Variants in ATP9A observed in about 807,000 individuals in gnomAD.
The protein encoded by ATP9A is probable phospholipid-transporting ATPase IIA.
A neutral mutation model predicts 144.1 loss-of-function variants in ATP9A; 52 were observed. The observed-to-expected ratio is 0.36, with a 90% CI of 0.29 to 0.45. The LOEUF (loss-of-function observed/expected upper bound fraction) is 0.45. Ranked by LOEUF, ATP9A falls within the 20% of genes least tolerant of loss-of-function variation. The probability of loss-of-function intolerance (pLI) is 1.00; values close to 1 mark genes in which losing one functional copy is unlikely to be tolerated. For missense variants in ATP9A, 947 were observed against 1,392.7 expected (o/e 0.68, Z 5.09); for synonymous variants, 582 against 557.4 (o/e 1.04, Z -0.62).
At chr20:51,691,447 C>T (rs1011496152) in intron 7 of ATP9A, among the ~76,000 whole-genome samples, 4 of 152,122 alleles carry the variant, frequency 2.6e-5, no homozygotes, top group South Asian at 2.1e-4. Flanking sequence ...CCAGCCTGGG[C>T]GACAGAGCGA....
intron 27 of ATP9A, among the ~76,000 whole-genome samples, chr20:51,601,563 T>C (rs193198207): frequency 3.0e-4 from 46 of 152,302 alleles, no homozygotes; most frequent in Admixed American, 6.5e-4. Context: ...CGCTCTCTCT[T>C]CTGTAGCTTC....
rs182506509 is a variant in ATP9A at position 51,627,019 on chromosome 20, T to A, written c.1845+581A>T. ...TTACAGTGAGCCAAGATCACACCAC[T>A]GCACTCCAGCCTGGGCGACAAGAGC... is the stretch of plus-strand genomic sequence containing the variant. On this transcript the variant is annotated intron_variant, in intron 17 of 27. Coordinates refer to ENST00000338821, the MANE Select transcript of ATP9A (RefSeq NM_006045.3). 6.2e-5 allele frequency among the ~76,000 whole-genome samples: 9 copies of A among 145,138 alleles called. No individual in the cohort carries two copies. The East Asian group carries it at 1.8e-3, about 29-fold the overall frequency.
At chr20:51,702,365 CGTGTGTGTGTGTGTGTGT>C (rs10578719) in intron 4 of ATP9A, among the ~76,000 whole-genome samples, 2 of 130,218 alleles carry the variant, frequency 1.5e-5, no homozygotes, top group South Asian at 5.2e-4. Flanking sequence ...TGTGTGTGTT[CGTGTGTGTGTGTGTGTGT>C]GTGTGTGTGT....
In ATP9A at chr20:51,712,278, G is replaced by T. The variant is rs1157804485; in HGVS notation, c.436+688C>A. ...TTTAGTAGAGACAGGGTTTCACCAT[G>T]TTAGCCAGGATGGTCTCGATCTCCG... On this transcript the variant is annotated intron_variant, in intron 4 of 27. Coordinates refer to ENST00000338821, the MANE Select transcript of ATP9A (RefSeq NM_006045.3). 9.2e-5 allele frequency among the ~76,000 whole-genome samples: 14 copies of T among 152,050 alleles called. No individual in the cohort carries two copies. The South Asian group carries it at 2.1e-3, about 23-fold the overall frequency.
chr20:51,606,221 C>T (rs1466849204), intron 26 of ATP9A, among the ~76,000 whole-genome samples: 1 of 152,196 alleles, frequency 6.6e-6, no homozygotes, highest in Non-Finnish European at 1.5e-5. Context: ...GGCGCCACTG[C>T]ACTCCAGCCT....
In ATP9A at chr20:51,655,781, G is replaced by T. The variant is rs181764497; in HGVS notation, c.1506+1157C>A. Among the ~76,000 whole-genome samples the T allele has an allele frequency of 1.2e-4, 18 of 146,186 alleles. No individual in the cohort carries two copies. In the East Asian group the frequency reaches 3.7e-3, roughly 30 times the overall value. On this transcript the variant is annotated intron_variant, in intron 14 of 27. Transcript: ENST00000338821. ...TATGACATTGCCAACCCACTCCTAG[G>T]TATATACCCAAGAGAAACAGAAATC... is the stretch of plus-strand genomic sequence containing the variant.
chr20:51,633,885 A>G (rs2077279997), intron 15 of ATP9A, among the ~76,000 whole-genome samples: 1 of 141,428 alleles, frequency 7.1e-6, no homozygotes, highest in Non-Finnish European at 1.5e-5. Context: ...GAAGGAAGGA[A>G]GGAAAAGAGG....
rs986972357 is a variant in ATP9A at position 51,767,095 on chromosome 20, C to T, written c.68+1207G>A. Among the ~76,000 whole-genome samples, 106 of 147,290 alleles carry T rather than the reference C, an allele frequency of 7.2e-4. 1 individual carries two copies. Among genetic ancestry groups the T allele is most frequent in the African/African-American group, 2.1e-3 (81 of 39,446 alleles). On this transcript the variant is annotated intron_variant, in intron 1 of 27. Coordinates refer to ENST00000338821, the MANE Select transcript of ATP9A (RefSeq NM_006045.3). Reference sequence around the variant, plus strand: ...ATTCTTTTTTTTTTTTTTTTTAATTCCACTGACACCTGGTGAAGCCACCCT... The same window carrying T: ...ATTCTTTTTTTTTTTTTTTTTAATTTCACTGACACCTGGTGAAGCCACCCT...
chr20:51,613,584 A>T, intron 23 of ATP9A, 93 bp downstream of exon 23: 1 of 1,282,274 alleles, frequency 7.8e-7, no homozygotes, highest in Non-Finnish European at 1.0e-6. Context: ...ATAATTACAT[A>T]GCCACATGTA....
At chr20:51,610,062 G>A (rs1164704409) in intron 24 of ATP9A, 39 bp downstream of exon 24, 1 of 1,530,754 alleles carries the variant, frequency 6.5e-7, no homozygotes, top group East Asian at 2.2e-5. Context: ...TTTGAAGAAG[G>A]TTTTGTAAAC....
At chr20:51,661,665 C>G (rs1447011057) in intron 13 of ATP9A, among the ~76,000 whole-genome samples, 1 of 151,768 alleles carries the variant, frequency 6.6e-6, no homozygotes, top group Non-Finnish European at 1.5e-5. Flanking sequence ...GCCACTGCAC[C>G]CAGCCAGAAA....
intron 24 of ATP9A, among the ~76,000 whole-genome samples, chr20:51,609,614 C>T (rs908343959): frequency 1.3e-5 from 2 of 152,166 alleles, no homozygotes; most frequent in African/African-American, 4.8e-5. Flanking sequence ...CCATCTCTGT[C>T]ACTGTGGCAC....
In ATP9A at chr20:51,708,302, A is replaced by T. The variant is rs2077623118; in HGVS notation, c.436+4664T>A. 3.3e-5 allele frequency among the ~76,000 whole-genome samples: 5 copies of T among 152,044 alleles called. No homozygotes were observed. In the South Asian group the frequency reaches 1.0e-3, roughly 32 times the overall value. ...ATCCCATCTCTATGATTTAAAAAAA[A>T]AAAAAATGATACACCTTGATTGAAA... is the stretch of plus-strand genomic sequence containing the variant. On this transcript the variant is annotated intron_variant, in intron 4 of 27. Coordinates refer to ENST00000338821, the MANE Select transcript of ATP9A (RefSeq NM_006045.3).
intron 1 of ATP9A, among the ~76,000 whole-genome samples, chr20:51,750,874 G>T (rs1474416428): frequency 1.3e-5 from 2 of 152,092 alleles, no homozygotes; most frequent in East Asian, 3.9e-4. Context: ...GACACACCAA[G>T]GGTCCCCACT....
chr20:51,644,235 T>C (rs2077332093), intron 14 of ATP9A, among the ~76,000 whole-genome samples: 1 of 150,370 alleles, frequency 6.7e-6, no homozygotes, highest in African/African-American at 2.4e-5. Context: ...GTGATACACA[T>C]GGAGAGAATT....
At chr20:51,736,460 G>A (rs1057148373) in intron 1 of ATP9A, among the ~76,000 whole-genome samples, 3 of 151,972 alleles carry the variant, frequency 2.0e-5, no homozygotes, top group Non-Finnish European at 4.4e-5. Context: ...CTTTTTATGG[G>A]AATGAAATGT....
Position 51,766,706 on chromosome 20 carries a change from T to C in ATP9A, c.68+1596A>G, listed in dbSNP as rs574706416. ...AAATACAAAAACTAGTCAGGCGTGG[T>C]GTCGGGCGCCTGTAATCCCAGCTAC... On this transcript the variant is annotated intron_variant, in intron 1 of 27. Transcript: ENST00000338821. Among the ~76,000 whole-genome samples, 11 of 152,146 alleles carry C rather than the reference T, an allele frequency of 7.2e-5. No individual in the cohort carries two copies. The East Asian group carries it at 1.7e-3, about 24-fold the overall frequency.
chr20:51,623,801 A>AGAAAGAAAGAAAG (rs1555829565), intron 18 of ATP9A, among the ~76,000 whole-genome samples: 1 of 133,390 alleles, frequency 7.5e-6, no homozygotes, highest in African/African-American at 3.0e-5. Flanking sequence ...AAAAAAAAAA[A>AGAAAGAAAGAAAG]AAAGAAAGAA....
In ATP9A at chr20:51,598,187, G is replaced by A. The variant is rs74926359; in HGVS notation, c.*3024C>T. 8.0e-4 allele frequency: 61 copies of A among 76,422 alleles called. No individual in the cohort carries two copies. The highest frequency in any genetic ancestry group is 1.2e-3 in the Non-Finnish European group (50 of 42,792). The allele number at this position is 76,422 out of a possible 1,614,324, so 4.7% of individuals were successfully genotyped here. Reference sequence around the variant, plus strand: ...GGTGATTTTCTTAGAGAAAAAAAAAGAGAGACAAAAAGGAAGGGGTGGGGG... The same window carrying A: ...GGTGATTTTCTTAGAGAAAAAAAAAAAGAGACAAAAAGGAAGGGGTGGGGG... On this transcript the variant is annotated 3_prime_UTR_variant, in exon 28 of 28. Coordinates refer to ENST00000338821, the MANE Select transcript of ATP9A (RefSeq NM_006045.3).
Sources: gnomAD v4.1 joint callset for allele counts (sites outside exome capture counted in the v4.1 genomes callset) on GRCh38, gnomAD v4.1.1 for gene constraint, MANE v1.5 for transcripts, NCBI Gene and HGNC (gene_info 2026-07-23, HGNC 2026-07-21) for gene names.